The following MRPL54 variants were observed in gnomAD, a reference collection of about 807,000 sequenced individuals.
The protein encoded by MRPL54 is large ribosomal subunit protein mL54.
MRPL54 carries 12 observed loss-of-function variants against 15.6 expected under a neutral mutation model. The observed-to-expected ratio is 0.77, with a 90% CI of 0.49 to 1.24. The LOEUF (loss-of-function observed/expected upper bound fraction) is 1.24. MRPL54 is among the 50% of genes most tolerant of loss of function. MRPL54 has a pLI of 0.00. For missense variants in MRPL54, 178 were observed against 186.8 expected (o/e 0.95, Z 0.28); for synonymous variants, 91 against 75.7 (o/e 1.20, Z -1.05).
chr19:3,764,515 C>T (rs934442106), intron 1 of MRPL54, among the ~76,000 whole-genome samples: 3 of 151,980 alleles, frequency 2.0e-5, no homozygotes, highest in African/African-American at 7.2e-5. Context: ...TCAAGTGATT[C>T]TCCTGCCTCA....
At chr19:3,765,858 A>G (rs1473573368) in intron 2 of MRPL54, among the ~76,000 whole-genome samples, 3 of 149,768 alleles carry the variant, frequency 2.0e-5, no homozygotes, top group Admixed American at 6.7e-5. Context: ...AGATCACGCC[A>G]TTGTACTCCA....
intron 2 of MRPL54, 70 bp downstream of exon 2, chr19:3,765,401 G>C (rs2037189943): frequency 6.4e-7 from 1 of 1,561,576 alleles, no homozygotes; most frequent in Non-Finnish European, 8.7e-7. Context: ...CCCCTTCCCG[G>C]AGAGGCGGAT....
chr19:3,765,095 G>T, intron 1 of MRPL54, 71 bp from the exon 2 acceptor site: 1 of 1,510,312 alleles, frequency 6.6e-7, no homozygotes. Flanking sequence ...CCTGAGACAG[G>T]GTTCTGTGAG....
At position 3,765,253 on chromosome 19, in the gene MRPL54, C is replaced by T. The variant is rs567378280; in HGVS notation, c.206C>T (p.Thr69Ile). The change falls in exon 2 of 3, where the codon ACC becomes ATC. Residue 69 changes from threonine (T) to isoleucine (I), a missense_variant. Physicochemically the swap from Thr to Ile is moderately conservative, Grantham distance 89. Coordinates refer to ENST00000330133, the MANE Select transcript of MRPL54 (RefSeq NM_172251.3). ...GTATGCACAGATCCTGTCCAGCTCACCACATATGCCATGGGCGTCAACATC... is the reference window on the plus strand; with the variant it reads ...GTATGCACAGATCCTGTCCAGCTCATCACATATGCCATGGGCGTCAACATC... ...PDVCTDPVQL[T>I]TYAMGVNIYK... 6.2e-7 allele frequency: 1 copy of T among 1,613,996 alleles called. No homozygotes were observed. Among genetic ancestry groups the T allele is most frequent in the Non-Finnish European group, 8.5e-7 (1 of 1,179,964 alleles).
chr19:3,765,093 A>G, intron 1 of MRPL54, 73 bp from the exon 2 acceptor site: 1 of 1,493,332 alleles, frequency 6.7e-7, no homozygotes, highest in Non-Finnish European at 9.0e-7. Context: ...CACCTGAGAC[A>G]GGGTTCTGTG....
rs559589909 is a variant in MRPL54, at chr19:3,764,781, C to T, written c.119-385C>T. ...CGGTGGCTCACGCCTGTAATCCCAA[C>T]ACTTTGGGAGGCCAAGGTGGGCAGA... On this transcript the variant is annotated intron_variant, in intron 1 of 2. Coordinates refer to ENST00000330133, the MANE Select transcript of MRPL54 (RefSeq NM_172251.3). 3.2e-4 allele frequency among the ~76,000 whole-genome samples: 48 copies of T among 151,782 alleles called. 1 individual carries two copies. In the South Asian group the frequency reaches 8.8e-3, roughly 28 times the overall value.
intron 2 of MRPL54, among the ~76,000 whole-genome samples, chr19:3,765,889 C>T (rs1416115576): frequency 2.3e-5 from 3 of 131,350 alleles, no homozygotes; most frequent in Non-Finnish European, 4.7e-5. Context: ...CAGAGTGAGA[C>T]TTGGTCTCAA....
At chr19:3,763,834 C>T (rs1051562671) in intron 1 of MRPL54, among the ~76,000 whole-genome samples, 2 of 151,954 alleles carry the variant, frequency 1.3e-5, no homozygotes, top group African/African-American at 2.4e-5. Flanking sequence ...ACTGCTTGAA[C>T]CCAGGAGGCG....
chr19:3,762,860 A>C (rs1416339463), intron 1 of MRPL54, 42 bp downstream of exon 1: 4 of 1,449,260 alleles, frequency 2.8e-6, no homozygotes, highest in East Asian at 5.1e-5. Flanking sequence ...CGGTGGGTGC[A>C]CTGAGGAATT....
intron 1 of MRPL54, among the ~76,000 whole-genome samples, chr19:3,764,896 T>C (rs539806940): frequency 1.3e-4 from 20 of 151,276 alleles, no homozygotes; most frequent in Admixed American, 3.3e-4. Context: ...GGCGTGGTGG[T>C]GGGCGCCTGT....
At chr19:3,764,307 C>T (rs765371578) in intron 1 of MRPL54, among the ~76,000 whole-genome samples, 3 of 151,792 alleles carry the variant, frequency 2.0e-5, no homozygotes, top group Non-Finnish European at 4.4e-5. Flanking sequence ...ATGGTCTCAA[C>T]CTCCTGACCT....
At chr19:3,762,866 G>A (rs958419395) in intron 1 of MRPL54, 48 bp downstream of exon 1, 6 of 1,391,602 alleles carry the variant, frequency 4.3e-6, no homozygotes, top group Non-Finnish European at 5.9e-6. Flanking sequence ...GTGCACTGAG[G>A]AATTGACAGT....
rs975535915 is a variant in MRPL54 at position 3,765,224 on chromosome 19, C to G, written c.177C>G (p.Pro59=). Residue 59 remains proline, a synonymous_variant, in exon 2 of 3, where the codon CCC becomes CCG. Transcript: ENST00000330133. ...TGACCAGCGAGGCCCTCAAGGACCC[C>G]GACGTATGCACAGATCCTGTCCAGC... ...GAVTSEALKD[P]DVCTDPVQLT... 1.2e-6 allele frequency: 2 copies of G among 1,613,796 alleles called. No individual in the cohort carries two copies. Among genetic ancestry groups the G allele is most frequent in the Non-Finnish European group, 1.7e-6 (2 of 1,179,912 alleles).
In MRPL54 at chr19:3,767,110, C is replaced by T. The variant is rs1170218471; in HGVS notation, c.285-151C>T. ...GCTGCATGGCCAGGGACCCACCCAG[C>T]CCAGGGTCGGGGAGGGACCACCCTG... On this transcript the variant is annotated intron_variant, in intron 2 of 2. Coordinates refer to ENST00000330133, the MANE Select transcript of MRPL54 (RefSeq NM_172251.3). The T allele has an allele frequency of 3.0e-6, 3 of 990,976 alleles. No individual in the cohort carries two copies. The East Asian group carries it at 9.0e-5, about 30-fold the overall frequency. The allele number at this position is 990,976 out of a possible 1,614,324, so 61.4% of individuals were successfully genotyped here. A position where few individuals can be genotyped will look rare whatever the true frequency, so the allele number is the denominator to read the frequency against.
At chr19:3,766,672 A>T (rs1047195499) in intron 2 of MRPL54, among the ~76,000 whole-genome samples, 1 of 152,202 alleles carries the variant, frequency 6.6e-6, no homozygotes, top group Admixed American at 6.5e-5. Flanking sequence ...TGACACTTCC[A>T]GGAAGGGGGC....
chr19:3,767,039 C>T (rs558743254), intron 2 of MRPL54, among the ~76,000 whole-genome samples: 8 of 152,268 alleles, frequency 5.3e-5, no homozygotes, highest in Admixed American at 2.6e-4. Context: ...GAGGGCTTGG[C>T]GTGTGCCAGC....
chr19:3,763,004 G>A (rs2037165595), intron 1 of MRPL54, among the ~76,000 whole-genome samples, 186 bp downstream of exon 1: 2 of 152,278 alleles, frequency 1.3e-5, no homozygotes, highest in Non-Finnish European at 2.9e-5. Context: ...GTCTGGCTCG[G>A]AGATACTGTA....
At chr19:3,765,412 C>T (rs952802928) in intron 2 of MRPL54, 81 bp downstream of exon 2, 12 of 1,509,202 alleles carry the variant, frequency 8.0e-6, no homozygotes, top group East Asian at 2.3e-5. Context: ...AGAGGCGGAT[C>T]GCCACTCCAG....
intron 2 of MRPL54, 81 bp downstream of exon 2, chr19:3,765,412 C>A: frequency 2.0e-6 from 3 of 1,509,320 alleles, no homozygotes; most frequent in Non-Finnish European, 2.7e-6. Flanking sequence ...AGAGGCGGAT[C>A]GCCACTCCAG....
Sources: gnomAD v4.1 joint callset for allele counts (sites outside exome capture counted in the v4.1 genomes callset) on GRCh38, gnomAD v4.1.1 for gene constraint, MANE v1.5 for transcripts, NCBI Gene and HGNC (gene_info 2026-07-23, HGNC 2026-07-21) for gene names.